The following SYNPR variants were observed in gnomAD, a reference collection of about 807,000 sequenced individuals.
The protein encoded by SYNPR is synaptoporin.
SYNPR carries 23 observed loss-of-function variants against 32.9 expected under a neutral mutation model. The observed-to-expected ratio is 0.70, with a 90% CI of 0.50 to 0.99. The LOEUF (loss-of-function observed/expected upper bound fraction) is 0.99, where lower values mean the gene tolerates loss of function less well. Among genes scored for constraint, SYNPR ranks in the 50% least tolerant of loss-of-function variants. The probability of loss-of-function intolerance (pLI) is 0.00; values close to 1 mark genes in which losing one functional copy is unlikely to be tolerated. For synonymous variants in SYNPR, 146 were observed against 135.9 expected, an observed-to-expected ratio of 1.07 and a Z score of -0.52; for missense variants, 318 against 349.3, an observed-to-expected ratio of 0.91 and a Z score of 0.71.
intron 2 of SYNPR, among the ~76,000 whole-genome samples, chr3:63,256,418 C>T (rs180950136): frequency 7.9e-5 from 12 of 152,306 alleles, no homozygotes; most frequent in South Asian, 2.1e-4. Context: ...CACCAATATC[C>T]GCTGTTCTGC....
intron 4 of SYNPR, among the ~76,000 whole-genome samples, chr3:63,577,040 G>C (rs1158214016): frequency 6.6e-6 from 1 of 152,058 alleles, no homozygotes; most frequent in Non-Finnish European, 1.5e-5. Context: ...TCACTGAAAA[G>C]ATTCATTAGT....
chr3:63,588,823 T>A (rs528605122), intron 4 of SYNPR, among the ~76,000 whole-genome samples: 1 of 152,164 alleles, frequency 6.6e-6, no homozygotes, highest in South Asian at 2.1e-4. Context: ...TGTGAACTGA[T>A]CCACCCCAAA....
chr3:63,468,491 G>GCACACACACACACACACA (rs10663212), intron 2 of SYNPR, among the ~76,000 whole-genome samples: 4,811 of 148,560 alleles, frequency 0.032, 296 homozygotes, highest in African/African-American at 0.11. Context: ...TACCTGCAAA[G>GCACACACACACACACACA]CACACACACA....
intron 5 of SYNPR, 48 bp downstream of exon 5, chr3:63,609,364 G>T: frequency 7.0e-7 from 1 of 1,418,774 alleles, no homozygotes; most frequent in Admixed American, 3.2e-5. Flanking sequence ...TTGTTTGCCA[G>T]TCAAAATAAT....
chr3:63,355,877 T>C (rs374233295), intron 2 of SYNPR, among the ~76,000 whole-genome samples: 3 of 152,348 alleles, frequency 2.0e-5, no homozygotes, highest in East Asian at 1.9e-4. Flanking sequence ...TTAACAGCAC[T>C]TGTTACAGCT....
chr3:63,220,694 C>T, the SYNPR span, among the ~76,000 whole-genome samples: 539 of 152,300 alleles, frequency 3.5e-3, no homozygotes, highest in Middle Eastern at 0.014. Flanking sequence ...TTCCAGTACT[C>T]ATAGAACCAG....
intron 2 of SYNPR, chr3:63,267,265 C>T (rs1319195768): frequency 2.6e-5 from 4 of 152,156 alleles, no homozygotes; most frequent in African/African-American, 9.7e-5. Context: ...ATGAGTTTTT[C>T]CCACCAACCA....
At chr3:63,545,248 A>G (rs1019549042) in intron 3 of SYNPR, among the ~76,000 whole-genome samples, 4 of 152,100 alleles carry the variant, frequency 2.6e-5, no homozygotes, top group African/African-American at 9.7e-5. Context: ...AAATAGTCTC[A>G]ATGAAACTTT....
chr3:63,267,445 G>A (rs2106906142), exon 3 of SYNPR: 1 of 152,346 alleles, frequency 6.6e-6, no homozygotes, highest in South Asian at 2.1e-4. Flanking sequence ...GTCAAAGAGG[G>A]GCAGGTAAGT....
At chr3:63,228,121 G>A (rs912214255), upstream of SYNPR, among the ~76,000 whole-genome samples, 9 of 152,154 alleles carry the variant, frequency 5.9e-5, no homozygotes, top group African/African-American at 1.7e-4. Context: ...AGGGAGGCCC[G>A]GTAGGAGGCC....
intron 2 of SYNPR, among the ~76,000 whole-genome samples, chr3:63,445,899 T>C (rs1700268588): frequency 6.6e-6 from 1 of 152,192 alleles, no homozygotes; most frequent in Non-Finnish European, 1.5e-5. Context: ...TGATACAAGG[T>C]AGTCTCCTTC....
At chr3:63,543,834 C>T (rs576328072) in intron 3 of SYNPR, among the ~76,000 whole-genome samples, 1 of 152,196 alleles carries the variant, frequency 6.6e-6, no homozygotes, top group East Asian at 1.9e-4. Flanking sequence ...GCTTTTCACT[C>T]TCTAGAATTT....
intron 2 of SYNPR, 127 bp from the exon 3 acceptor site, chr3:63,480,705 G>A (rs1028675833): frequency 5.6e-6 from 7 of 1,245,748 alleles, no homozygotes; most frequent in East Asian, 2.5e-5. Flanking sequence ...GCTGAACCAA[G>A]GGCAATGCTC....
At chr3:63,217,935 C>A in the SYNPR span, among the ~76,000 whole-genome samples, 1 of 152,088 alleles carries the variant, frequency 6.6e-6, no homozygotes, top group Non-Finnish European at 1.5e-5. Context: ...ACCTTAGATA[C>A]TTCAATCCTT....
chr3:63,402,215 C>G (rs756364061), intron 2 of SYNPR, among the ~76,000 whole-genome samples: 3 of 152,080 alleles, frequency 2.0e-5, no homozygotes, highest in African/African-American at 7.2e-5. Context: ...GTTCTGTGCA[C>G]TCTGGGATGT....
At chr3:63,511,822 G>A (rs543606506) in intron 3 of SYNPR, among the ~76,000 whole-genome samples, 3 of 152,148 alleles carry the variant, frequency 2.0e-5, no homozygotes, top group African/African-American at 4.8e-5. Context: ...ATTAGACCTT[G>A]GAGCCCTGAA....
intron 2 of SYNPR, among the ~76,000 whole-genome samples, chr3:63,454,258 AT>A (rs1700437474): frequency 6.6e-6 from 1 of 152,158 alleles, no homozygotes; most frequent in Admixed American, 6.6e-5. Flanking sequence ...TAAACAGTAA[AT>A]TTATCAGAAG....
intron 2 of SYNPR, among the ~76,000 whole-genome samples, chr3:63,350,842 T>A (rs1181674561): frequency 6.6e-6 from 1 of 152,198 alleles, no homozygotes; most frequent in Admixed American, 6.5e-5. Flanking sequence ...ATCATGTCTA[T>A]AGCTTGAATT....
At chr3:63,416,894 G>A (rs991360233) in intron 2 of SYNPR, among the ~76,000 whole-genome samples, 1 of 152,052 alleles carries the variant, frequency 6.6e-6, no homozygotes, top group Admixed American at 6.6e-5. Context: ...ACAACACACG[G>A]AAATTCAAGA....
Sources: gnomAD v4.1 joint callset for allele counts (sites outside exome capture counted in the v4.1 genomes callset) on GRCh38, gnomAD v4.1.1 for gene constraint, MANE v1.5 for transcripts, NCBI Gene and HGNC (gene_info 2026-07-23, HGNC 2026-07-21) for gene names.